The following ANKRD36B variants were observed in gnomAD, a reference collection of about 807,000 sequenced individuals.
ANKRD36B encodes the protein ankyrin repeat domain-containing protein 36B.
In ANKRD36B, 37 loss-of-function variants were observed where a neutral mutation model predicts 135.7. The observed-to-expected ratio is 0.27, with a 90% CI of 0.21 to 0.36. The LOEUF is 0.36. Among genes scored for constraint, ANKRD36B ranks in the 10% least tolerant of loss-of-function variants. The pLI, the probability that ANKRD36B is intolerant of heterozygous loss-of-function variation, is 1.00. For missense variants in ANKRD36B, 549 were observed against 1,037.1 expected (o/e 0.53, Z 6.46); for synonymous variants, 179 against 348.1 (o/e 0.51, Z 5.41).
intron 6 of ANKRD36B, among the ~76,000 whole-genome samples, chr2:97,569,699 G>A (rs2081700357): frequency 6.6e-6 from 1 of 152,030 alleles, no homozygotes; most frequent in African/African-American, 2.4e-5. Flanking sequence ...CAATATTGCT[G>A]AGAATATTAA....
chr2:97,573,652 G>C (rs138745404), intron 6 of ANKRD36B, among the ~76,000 whole-genome samples: 84,640 of 151,930 alleles, frequency 0.56, 25,203 homozygotes, highest in Non-Finnish European at 0.67. Context: ...TACAAGGCTA[G>C]AGTAACCAAA....
At chr2:97,567,832 C>T (rs1385755735) in intron 6 of ANKRD36B, among the ~76,000 whole-genome samples, 1 of 152,154 alleles carries the variant, frequency 6.6e-6, no homozygotes, top group Non-Finnish European at 1.5e-5. Flanking sequence ...ATCCAACCAA[C>T]AATATCATCA....
rs2080044848 is a variant in ANKRD36B, at chr2:97,551,348, T to C, written c.1316A>G (p.Glu439Gly). ...GGTTATATTCGAAAAAGAATCTTTC[T>C]CATCACTTGTGGCCTGAATGGAATT... ...KKPALKATSDEKDSFSNITRE... is the reference protein window; with the variant it reads ...KKPALKATSDGKDSFSNITRE... The change falls in exon 18 of 44, where the codon GAG (glutamate) becomes GGG (glycine). Residue 439 changes from glutamate (E) to glycine (G), a missense_variant. Transcript: ENST00000359901. 1 of 1,592,776 alleles carries C rather than the reference T, an allele frequency of 6.3e-7. No individual in the cohort carries two copies. The highest frequency in any genetic ancestry group is 8.5e-7 in the Non-Finnish European group (1 of 1,172,298).
intron 4 of ANKRD36B, among the ~76,000 whole-genome samples, chr2:97,579,900 C>T (rs1489482094): frequency 6.6e-6 from 1 of 152,218 alleles, no homozygotes; most frequent in Admixed American, 6.5e-5. Flanking sequence ...CAGAAGAAAA[C>T]ATACTTGGTA....
intron 3 of ANKRD36B, among the ~76,000 whole-genome samples, chr2:97,581,653 A>G (rs1171737476): frequency 6.6e-6 from 1 of 152,158 alleles, no homozygotes; most frequent in African/African-American, 2.4e-5. Flanking sequence ...CTAGTTTCCA[A>G]TTCATTCTTA....
intron 4 of ANKRD36B, among the ~76,000 whole-genome samples, chr2:97,579,411 T>C (rs1270778048): frequency 2.8e-5 from 4 of 144,544 alleles, no homozygotes; most frequent in African/African-American, 1.0e-4. Flanking sequence ...AAGGGTCAGA[T>C]AAGAGCTATC....
Position 97,558,935 on chromosome 2 carries a change from T to C in ANKRD36B, c.894+31A>G, listed in dbSNP as rs757014461. On this transcript the variant is annotated intron_variant, in intron 9 of 43. Transcript: ENST00000359901. Reference sequence around the variant, plus strand: ...TAGGTTTCATAGACTATACGGTTAATAGTTCAACATATAAATGAGACTTTA... The same window carrying C: ...TAGGTTTCATAGACTATACGGTTAACAGTTCAACATATAAATGAGACTTTA... 3 of 1,606,248 alleles carry C rather than the reference T, an allele frequency of 1.9e-6. No individual in the cohort carries two copies. In the South Asian group the frequency reaches 3.3e-5, roughly 18 times the overall value.
At position 97,573,304 on chromosome 2, in the gene ANKRD36B, A is replaced by G. The variant is rs182852599; in HGVS notation, c.763+3075T>C. On this transcript the variant is annotated intron_variant, in intron 6 of 43. Coordinates refer to ENST00000359901, the MANE Select transcript of ANKRD36B (RefSeq NM_001393939.1). ...TATATGTGCCACATTTTCTTAATCC[A>G]GTCTATCATTGTTGGACATTTGGGT... 6.5e-3 allele frequency among the ~76,000 whole-genome samples: 994 copies of G among 152,250 alleles called. 12 individuals are homozygous for G. The highest frequency in any genetic ancestry group is 0.027 in the South Asian group (132 of 4,830).
rs541325743 is a variant in ANKRD36B, at chr2:97,560,136, T to G, written c.865+529A>C. Among the ~76,000 whole-genome samples the G allele has an allele frequency of 4.3e-4, 66 of 151,890 alleles. 1 individual carries two copies. The highest frequency in any genetic ancestry group is 7.5e-4 in the Non-Finnish European group (51 of 67,806). ...CATCTGAAATGAGTTCACTCAGGTT[T>G]CCTCAGCAGAAAACCCAAAATTACA... On this transcript the variant is annotated intron_variant, in intron 8 of 43. Transcript: ENST00000359901.
rs750842154 is a variant in ANKRD36B, at chr2:97,558,853, C to G, written c.913G>C (p.Asp305His). 2.5e-6 allele frequency: 4 copies of G among 1,611,378 alleles called. No individual in the cohort carries two copies. In the East Asian group the frequency reaches 8.9e-5, roughly 36 times the overall value. ...TCTGTGGCTATATTTGAAACAGAAT[C>G]TTTCTCGTCACTTGTAGCCTGAATG... ...PAEKATSDEK[D>H]SVSNIATEIK... Residue 305 changes from aspartate (D) to histidine (H), a missense_variant, in exon 10 of 44, where the codon GAT becomes CAT. By Grantham distance (81) the Asp-to-His change is moderately conservative (BLOSUM62 -1). Transcript: ENST00000359901.
chr2:97,546,388 A>G (rs1197240136), intron 22 of ANKRD36B, among the ~76,000 whole-genome samples: 2 of 151,716 alleles, frequency 1.3e-5, no homozygotes, highest in African/African-American at 4.8e-5. Context: ...TAAATTGATC[A>G]CCTTGGATAT....
chr2:97,587,827 C>CTT (rs61686411), intron 1 of ANKRD36B, among the ~76,000 whole-genome samples: 2 of 151,848 alleles, frequency 1.3e-5, no homozygotes, highest in African/African-American at 4.8e-5. Flanking sequence ...GTATTTCATT[C>CTT]TTTTTTTAAC....
At chr2:97,548,230 T>G (rs532110387) in intron 20 of ANKRD36B, among the ~76,000 whole-genome samples, 1 of 151,896 alleles carries the variant, frequency 6.6e-6, no homozygotes, top group Admixed American at 6.6e-5. Flanking sequence ...ACTTCACATC[T>G]CTTCAGTGGA....
chr2:97,494,035 G>A (rs2077274598), intron 43 of ANKRD36B, among the ~76,000 whole-genome samples: 1 of 106,802 alleles, frequency 9.4e-6, no homozygotes, highest in Admixed American at 8.5e-5. Flanking sequence ...GTCTAATTAA[G>A]TTCCACAAGT....
At chr2:97,543,698 G>A (rs2079271613) in intron 26 of ANKRD36B, 92 bp downstream of exon 26, 1 of 155,324 alleles carries the variant, frequency 6.4e-6, no homozygotes. Flanking sequence ...AGAATGTGCA[G>A]TTTTGATGAG....
intron 3 of ANKRD36B, among the ~76,000 whole-genome samples, chr2:97,582,190 A>G (rs1410078813): frequency 1.3e-5 from 2 of 152,178 alleles, no homozygotes; most frequent in African/African-American, 2.4e-5. Context: ...CAACTATACC[A>G]TGATTCACCT....
In ANKRD36B at chr2:97,570,236, G is replaced by A. The variant is rs57591191; in HGVS notation, c.763+6143C>T. On this transcript the variant is annotated intron_variant, in intron 6 of 43. Transcript: ENST00000359901. ...TCAAATGAAATAAGCACCATGCTAT[G>A]TTATATTACCATGTTATTCACTATC... Among the ~76,000 whole-genome samples, 3 of 151,838 alleles carry A rather than the reference G, an allele frequency of 2.0e-5. No homozygotes were observed. In the South Asian group the frequency reaches 6.2e-4, roughly 31 times the overall value.
intron 16 of ANKRD36B, among the ~76,000 whole-genome samples, 161 bp downstream of exon 16, chr2:97,553,007 G>A (rs1362632363): frequency 1.3e-5 from 2 of 151,808 alleles, no homozygotes; most frequent in East Asian, 3.9e-4. Flanking sequence ...CAGCATTAGC[G>A]TCACCCAATA....
intron 11 of ANKRD36B, 37 bp downstream of exon 11, chr2:97,557,067 A>T (rs984270302): frequency 4.5e-5 from 69 of 1,545,672 alleles, no homozygotes; most frequent in Non-Finnish European, 5.2e-5. Flanking sequence ...TAGGCTATGC[A>T]ATAAATAATT....
Sources: allele counts gnomAD v4.1 joint callset (sites outside exome capture counted in the v4.1 genomes callset), GRCh38; gene constraint gnomAD v4.1.1; transcripts MANE v1.5; gene names NCBI Gene and HGNC (gene_info 2026-07-23, HGNC 2026-07-21).